The following PCSK5 variants were observed in gnomAD, a reference collection of about 807,000 sequenced individuals.
PCSK5 encodes prohormone convertase 5.
A neutral mutation model predicts 233.2 loss-of-function variants in PCSK5; 129 were observed. The ratio of observed to expected loss-of-function variants is 0.55; its 90% CI spans 0.48 to 0.64. The LOEUF (loss-of-function observed/expected upper bound fraction) is 0.64, where lower values mean the gene tolerates loss of function less well. Ranked by LOEUF, PCSK5 falls within the 30% of genes least tolerant of loss-of-function variation. The pLI is 0.00. For missense variants in PCSK5, 2,076 were observed against 2,430.1 expected (o/e 0.85, Z 3.06); for synonymous variants, 825 against 879.2 (o/e 0.94, Z 1.09).
At chr9:76,302,868 A>G (rs1402737913) in intron 28 of PCSK5, among the ~76,000 whole-genome samples, 2 of 152,170 alleles carry the variant, frequency 1.3e-5, no homozygotes, top group South Asian at 2.1e-4. Context: ...TAAATAAAAA[A>G]TAAATACAAT....
At chr9:76,083,118 C>T (rs7037617) in intron 7 of PCSK5, among the ~76,000 whole-genome samples, 3 of 148,378 alleles carry the variant, frequency 2.0e-5, no homozygotes, top group African/African-American at 7.5e-5. Context: ...CTAAGGCAGG[C>T]GAATCGCTTG....
At chr9:76,127,565 T>C (rs1456731259) in intron 9 of PCSK5, among the ~76,000 whole-genome samples, 2 of 152,208 alleles carry the variant, frequency 1.3e-5, no homozygotes, top group African/African-American at 2.4e-5. Context: ...AGCAGAAATA[T>C]ACCAAGGTGT....
chr9:76,094,036 G>A (rs1379625388), intron 7 of PCSK5, among the ~76,000 whole-genome samples: 1 of 152,160 alleles, frequency 6.6e-6, no homozygotes, highest in South Asian at 2.1e-4. Context: ...GAGCCCAGCT[G>A]TCGAGCAGCA....
intron 21 of PCSK5, among the ~76,000 whole-genome samples, chr9:76,228,056 G>A (rs533944283): frequency 1.2e-4 from 18 of 150,778 alleles, no homozygotes; most frequent in East Asian, 9.8e-4. Context: ...GGCAACCTCC[G>A]CCTCCCGGGT....
chr9:76,150,793 G>A (rs1026527645), intron 10 of PCSK5, among the ~76,000 whole-genome samples: 2 of 152,020 alleles, frequency 1.3e-5, no homozygotes, highest in Admixed American at 6.6e-5. Flanking sequence ...TGCTCCTTTC[G>A]CACTGAAATA....
chr9:75,975,395 T>C (rs1014325029), intron 2 of PCSK5, among the ~76,000 whole-genome samples: 2 of 152,238 alleles, frequency 1.3e-5, no homozygotes, highest in Non-Finnish European at 2.9e-5. Flanking sequence ...GTGTGTTATA[T>C]TGAGAAGCAA....
At chr9:75,914,722 A>G (rs933989164) in intron 1 of PCSK5, among the ~76,000 whole-genome samples, 20 of 152,158 alleles carry the variant, frequency 1.3e-4, no homozygotes, top group African/African-American at 4.8e-4. Flanking sequence ...AGTAGGATGT[A>G]TATATTTCTT....
chr9:76,263,285 A>T (rs1047112392), intron 24 of PCSK5, among the ~76,000 whole-genome samples: 5 of 152,162 alleles, frequency 3.3e-5, no homozygotes, highest in African/African-American at 1.2e-4. Context: ...TGGGTGTATA[A>T]CCAAAGGACT....
intron 21 of PCSK5, among the ~76,000 whole-genome samples, chr9:76,233,010 G>A (rs769780539): frequency 2.8e-4 from 42 of 152,214 alleles, no homozygotes; most frequent in African/African-American, 4.1e-4. Context: ...TGTTTCACTC[G>A]TCAAGAGCCC....
At chr9:76,036,493 C>A (rs1384525519) in intron 5 of PCSK5, among the ~76,000 whole-genome samples, 1 of 152,168 alleles carries the variant, frequency 6.6e-6, no homozygotes, top group Non-Finnish European at 1.5e-5. Context: ...TTGACTATGT[C>A]TGTGACGTTG....
intron 24 of PCSK5, among the ~76,000 whole-genome samples, chr9:76,285,321 C>A (rs1264415944): frequency 6.6e-6 from 1 of 152,130 alleles, no homozygotes; most frequent in Non-Finnish European, 1.5e-5. Context: ...TGCTAAACTA[C>A]AATCAAATGG....
chr9:75,990,472 A>G (rs1826721521), intron 3 of PCSK5, among the ~76,000 whole-genome samples: 1 of 152,200 alleles, frequency 6.6e-6, no homozygotes. Flanking sequence ...ATAGCTGTAT[A>G]ATTACTGCTG....
intron 3 of PCSK5, among the ~76,000 whole-genome samples, chr9:76,004,684 C>A (rs897783182): frequency 1.3e-5 from 2 of 152,110 alleles, no homozygotes; most frequent in Non-Finnish European, 2.9e-5. Context: ...AGTGATGATT[C>A]ATTACTGACA....
At chr9:76,235,413 G>T (rs973078399) in intron 22 of PCSK5, among the ~76,000 whole-genome samples, 1 of 152,162 alleles carries the variant, frequency 6.6e-6, no homozygotes, top group African/African-American at 2.4e-5. Context: ...CCAAACAAAT[G>T]TCTAGTCTTC....
chr9:76,006,974 T>C (rs1827504747), intron 3 of PCSK5, among the ~76,000 whole-genome samples: 1 of 152,118 alleles, frequency 6.6e-6, no homozygotes, highest in Non-Finnish European at 1.5e-5. Context: ...TATTTGCCAG[T>C]TTTCTTTATT....
intron 7 of PCSK5, among the ~76,000 whole-genome samples, chr9:76,084,842 C>T (rs1259175941): frequency 1.3e-5 from 2 of 152,162 alleles, no homozygotes; most frequent in African/African-American, 2.4e-5. Context: ...ATAATATCAA[C>T]TGATTTTAAA....
At chr9:76,194,629 A>T in intron 20 of PCSK5, 1 of 348,132 alleles carries the variant, frequency 2.9e-6, no homozygotes, top group Non-Finnish European at 5.8e-6. Flanking sequence ...AAATATTTTC[A>T]CTGGTTTTCT....
At chr9:76,065,590 C>G (rs541741204) in intron 5 of PCSK5, among the ~76,000 whole-genome samples, 2 of 152,266 alleles carry the variant, frequency 1.3e-5, no homozygotes, top group Admixed American at 6.5e-5. Flanking sequence ...TATTTTCTCT[C>G]GTTATGTGAG....
chr9:76,196,496 C>G (rs569224559), intron 20 of PCSK5, among the ~76,000 whole-genome samples: 36 of 152,284 alleles, frequency 2.4e-4, no homozygotes, highest in Admixed American at 1.4e-3. Flanking sequence ...GCCTGAGATG[C>G]AATTACTAGT....
Sources: gnomAD v4.1 joint callset for allele counts (sites outside exome capture counted in the v4.1 genomes callset) on GRCh38, gnomAD v4.1.1 for gene constraint, MANE v1.5 for transcripts, NCBI Gene and HGNC (gene_info 2026-07-23, HGNC 2026-07-21) for gene names.